Variants in PCDHA7 observed in about 807,000 individuals in gnomAD.
The protein encoded by PCDHA7 is protocadherin alpha 7.
In PCDHA7, 37 loss-of-function variants were observed where a neutral mutation model predicts 57.2. The ratio of observed to expected loss-of-function variants is 0.65; its 90% CI spans 0.50 to 0.85. The LOEUF is 0.85. Among genes scored for constraint, PCDHA7 ranks in the 40% least tolerant of loss-of-function variants. PCDHA7 has a pLI of 0.00. For synonymous variants in PCDHA7, 553 were observed against 558.8 expected, an observed-to-expected ratio of 0.99 and a Z score of 0.15; for missense variants, 1,188 against 1,241.8, an observed-to-expected ratio of 0.96 and a Z score of 0.65.
intron 2 of PCDHA7, among the ~76,000 whole-genome samples, chr5:140,980,713 C>A (rs1034858406): frequency 1.3e-5 from 2 of 151,364 alleles, no homozygotes; most frequent in Non-Finnish European, 2.9e-5. Context: ...TGCTCCTATT[C>A]GGGTTTCAAT....
intron 1 of PCDHA7, among the ~76,000 whole-genome samples, chr5:140,960,278 T>A (rs2095536864): frequency 6.6e-6 from 1 of 152,192 alleles, no homozygotes. Context: ...CGTCACCTTT[T>A]TGGGACCCAG....
chr5:140,888,446 A>G (rs1411131603), intron 1 of PCDHA7, among the ~76,000 whole-genome samples: 3 of 152,190 alleles, frequency 2.0e-5, no homozygotes, highest in Non-Finnish European at 2.9e-5. Context: ...GCCCAACAAT[A>G]AAGAATTAGC....
intron 1 of PCDHA7, chr5:140,851,823 G>GT (rs1343370929): frequency 9.3e-6 from 9 of 962,984 alleles, no homozygotes; most frequent in South Asian, 4.8e-5. Context: ...ACAGAAATCT[G>GT]TTTTTTTAAA....
intron 3 of PCDHA7, among the ~76,000 whole-genome samples, chr5:141,005,547 C>A (rs2098220537): frequency 6.6e-6 from 1 of 150,736 alleles, no homozygotes; most frequent in South Asian, 2.1e-4. Flanking sequence ...ACTAAAAATA[C>A]AAAAATTAGC....
At chr5:140,931,396 G>C (rs1554208395) in intron 1 of PCDHA7, among the ~76,000 whole-genome samples, 1 of 152,000 alleles carries the variant, frequency 6.6e-6, no homozygotes, top group Non-Finnish European at 1.5e-5. Flanking sequence ...ATAAGTAAGC[G>C]ATAGGAAGGC....
chr5:140,886,910 T>C (rs1373910489), intron 1 of PCDHA7, among the ~76,000 whole-genome samples: 1 of 152,100 alleles, frequency 6.6e-6, no homozygotes, highest in African/African-American at 2.4e-5. Context: ...TAAATACTTA[T>C]TGAGTGTTCT....
At chr5:140,947,439 G>C (rs2094135272) in intron 1 of PCDHA7, among the ~76,000 whole-genome samples, 1 of 151,638 alleles carries the variant, frequency 6.6e-6, no homozygotes, top group African/African-American at 2.4e-5. Flanking sequence ...AAAATCAGCT[G>C]TGAAATCCTC....
At position 140,929,057 on chromosome 5, in the gene PCDHA7, C is replaced by G. The variant is rs17844370; in HGVS notation, c.2356-49892C>G. The stretch of plus-strand genomic sequence containing the variant: ...TGCGCTCAGAGCTGCTGTCGCTCTA[C>G]AGAGGATCTGAGGTATGGAAGTAAG... On this transcript the variant is annotated intron_variant, in intron 1 of 3. Coordinates refer to ENST00000525929, the MANE Select transcript of PCDHA7 (RefSeq NM_018910.3). 3 of 1,614,070 alleles carry G rather than the reference C, an allele frequency of 1.9e-6. No individual in the cohort carries two copies. The African/African-American group carries it at 4.0e-5, about 22-fold the overall frequency.
intron 1 of PCDHA7, chr5:140,875,618 C>T (rs1554167806): frequency 3.1e-6 from 5 of 1,613,806 alleles, no homozygotes; most frequent in Non-Finnish European, 3.4e-6. Context: ...GGCCGCATCG[C>T]TCAGGACCTG....
chr5:140,995,794 CAT>C (rs1407600046), intron 3 of PCDHA7, among the ~76,000 whole-genome samples: 65 of 152,208 alleles, frequency 4.3e-4, no homozygotes, highest in African/African-American at 1.5e-3. Flanking sequence ...AAATTTGTCT[CAT>C]GTTAGTTTCT....
At chr5:140,870,863 G>A in intron 1 of PCDHA7, 1 of 1,613,928 alleles carries the variant, frequency 6.2e-7, no homozygotes, top group Non-Finnish European at 8.5e-7. Flanking sequence ...GTGGGTGCGG[G>A]CCACGTGGTG....
At chr5:140,928,097 C>T (rs2084934742) in intron 1 of PCDHA7, 2 of 1,614,054 alleles carry the variant, frequency 1.2e-6, no homozygotes, top group African/African-American at 2.7e-5. Flanking sequence ...ATTGATGGGC[C>T]CCTGGACCGG....
At chr5:140,989,410 C>T (rs568177388) in intron 3 of PCDHA7, among the ~76,000 whole-genome samples, 1 of 152,230 alleles carries the variant, frequency 6.6e-6, no homozygotes, top group South Asian at 2.1e-4. Context: ...GGAGAGTCTG[C>T]ACTTCACTCT....
chr5:140,877,408 C>A, intron 1 of PCDHA7: 1 of 1,613,924 alleles, frequency 6.2e-7, no homozygotes, highest in South Asian at 1.1e-5. Context: ...TCCGCGCCAC[C>A]GCCTGCTGGT....
At chr5:140,857,658 G>A (rs17844344) in intron 1 of PCDHA7, 3 of 1,596,790 alleles carry the variant, frequency 1.9e-6, no homozygotes, top group East Asian at 2.2e-5. Context: ...GTGAGCGCGC[G>A]CGATGGGGGC....
intron 1 of PCDHA7, chr5:140,929,209 G>C (rs553616030): frequency 1.2e-6 from 2 of 1,613,936 alleles, no homozygotes. Context: ...GCTGTTGCGT[G>C]GGGAGTACAA....
At position 140,877,303 on chromosome 5, in the gene PCDHA7, T is replaced by C. The variant is rs566187421; in HGVS notation, c.2355+40565T>C. 3.5e-4 allele frequency: 564 copies of C among 1,613,850 alleles called. 6 individuals are homozygous for C. In the South Asian group the frequency reaches 5.9e-3, roughly 17 times the overall value. On this transcript the variant is annotated intron_variant, in intron 1 of 3. Transcript: ENST00000525929. ...CTATAACGCTTGGCTGTCCTACGAGTTGCAACCGGCGGCGGTCGGCGCGCA... is the reference window on the plus strand; with the variant it reads ...CTATAACGCTTGGCTGTCCTACGAGCTGCAACCGGCGGCGGTCGGCGCGCA...
chr5:140,899,833 G>T (rs2067579431), intron 1 of PCDHA7, among the ~76,000 whole-genome samples: 1 of 152,094 alleles, frequency 6.6e-6, no homozygotes, highest in African/African-American at 2.4e-5. Flanking sequence ...TTTTGAGACA[G>T]GTCTTGCTGT....
At chr5:140,958,503 C>T (rs1426161443) in intron 1 of PCDHA7, among the ~76,000 whole-genome samples, 1 of 152,118 alleles carries the variant, frequency 6.6e-6, no homozygotes, top group Non-Finnish European at 1.5e-5. Context: ...TCCTAGGAGG[C>T]ATGGCTGTCC....
Sources: allele counts gnomAD v4.1 joint callset (sites outside exome capture counted in the v4.1 genomes callset), GRCh38; gene constraint gnomAD v4.1.1; transcripts MANE v1.5; gene names NCBI Gene and HGNC (gene_info 2026-07-23, HGNC 2026-07-21).